The following SMC4 variants were observed in gnomAD, a reference collection of about 807,000 sequenced individuals.
SMC4 encodes structural maintenance of chromosomes 4.
A neutral mutation model predicts 145.6 loss-of-function variants in SMC4; 87 were observed. The observed-to-expected ratio is 0.60, with a 90% CI of 0.50 to 0.71. SMC4 has a LOEUF of 0.71. Among genes scored for constraint, SMC4 ranks in the 30% least tolerant of loss-of-function variants. SMC4 has a pLI of 0.00. For missense variants in SMC4, 1,447 were observed against 1,537.1 expected (o/e 0.94, Z 0.98); for synonymous variants, 558 against 500.7 (o/e 1.11, Z -1.53).
chr3:160,409,422 GAACA>G (rs1715737610), intron 5 of SMC4, among the ~76,000 whole-genome samples: 1 of 151,634 alleles, frequency 6.6e-6, no homozygotes, highest in Non-Finnish European at 1.5e-5. Flanking sequence ...GGAGAGAGAG[GAACA>G]AACAACCAAA....
At chr3:160,433,335 C>CCAT (rs1718624445) in intron 23 of SMC4, 126 bp downstream of exon 23, 1 of 661,932 alleles carries the variant, frequency 1.5e-6, no homozygotes, top group Non-Finnish European at 2.6e-6. Flanking sequence ...ATCTCCATCT[C>CCAT]CTCTGGTATC....
rs80127132 is a variant in SMC4 at position 160,404,007 on chromosome 3, T to G, written c.511-321T>G. The G allele has an allele frequency of 7.4e-4, 178 of 241,760 alleles. 6 individuals carry two copies. In the East Asian group the frequency reaches 0.02, roughly 27 times the overall value. The allele number at this position is 241,760 out of a possible 1,614,324, so 15.0% of individuals were successfully genotyped here. A position where few individuals can be genotyped will look rare whatever the true frequency, so the allele number is the denominator to read the frequency against. On this transcript the variant is annotated intron_variant, in intron 4 of 23. Coordinates refer to ENST00000357388, the MANE Select transcript of SMC4 (RefSeq NM_001002800.3). Reference sequence around the variant, plus strand: ...CAACATGTTAATAATTTGTGTGGGTTTTGGATATGGTGGGAATCTTGTCTA... The same window carrying G: ...CAACATGTTAATAATTTGTGTGGGTGTTGGATATGGTGGGAATCTTGTCTA...
In SMC4 at chr3:160,416,420, G is replaced by GTTTT; in HGVS notation, c.1437+14_1437+17dup. ...GGGCTTCAGAAAGAAAAAGAAGTAA[G>GTTTT]TTTTTTTTTTTTATCAGTGTTTATT... is the stretch of plus-strand genomic sequence containing the variant. On this transcript the variant is annotated splice_donor_region_variant and intron_variant, in intron 10 of 23. Transcript: ENST00000357388. 5 of 1,106,528 alleles carry GTTTT rather than the reference G, an allele frequency of 4.5e-6. No individual in the cohort carries two copies. The highest frequency in any genetic ancestry group is 6.2e-5 in the Admixed American group (2 of 32,206). 68.5% of individuals were successfully genotyped at this position (1,106,528 alleles called of 1,614,324 possible).
intron 9 of SMC4, among the ~76,000 whole-genome samples, chr3:160,415,364 TAAAG>T (rs1265592476): frequency 4.6e-5 from 7 of 152,186 alleles, no homozygotes; most frequent in African/African-American, 7.2e-5. Flanking sequence ...CTCTGTGTCT[TAAAG>T]AGAGATAGGA....
Position 160,399,659 on chromosome 3 carries a change from T to C in SMC4, c.-96T>C, listed in dbSNP as rs1714231150. 1 of 152,550 alleles carries C rather than the reference T, an allele frequency of 6.6e-6. No individual in the cohort carries two copies. Among genetic ancestry groups the C allele is most frequent in the Admixed American group, 6.5e-5 (1 of 15,284 alleles). 9.4% of individuals were successfully genotyped at this position (152,550 alleles called of 1,614,324 possible). A position where few individuals can be genotyped will look rare whatever the true frequency, so the allele number is the denominator to read the frequency against. On this transcript the variant is annotated 5_prime_UTR_variant, in exon 1 of 24. Transcript: ENST00000357388. ...TTGTATTTTAGGCGCCATTTTCGAGTGAAGGACCCGGAGCCGAAACACCGG... is the reference window on the plus strand; with the variant it reads ...TTGTATTTTAGGCGCCATTTTCGAGCGAAGGACCCGGAGCCGAAACACCGG...
chr3:160,413,746 A>G (rs1229361661), intron 8 of SMC4, 133 bp downstream of exon 8: 16 of 344,898 alleles, frequency 4.6e-5, no homozygotes, highest in South Asian at 1.1e-4. Context: ...CCCCTTAGTG[A>G]AAAAAAAAAA....
At chr3:160,429,285 A>T (rs2108501150) in intron 18 of SMC4, among the ~76,000 whole-genome samples, 1 of 152,240 alleles carries the variant, frequency 6.6e-6, no homozygotes, top group South Asian at 2.1e-4. Flanking sequence ...AGAATAAGTA[A>T]AAGAGGTAAA....
At chr3:160,409,265 C>CAAA (rs10547167) in intron 5 of SMC4, among the ~76,000 whole-genome samples, 6 of 61,944 alleles carry the variant, frequency 9.7e-5, no homozygotes, top group Admixed American at 2.5e-4. Context: ...AACTCCGTCT[C>CAAA]AAAAAAAAAA....
chr3:160,403,934 C>T (rs565431453), intron 4 of SMC4: 14 of 164,416 alleles, frequency 8.5e-5, no homozygotes, highest in African/African-American at 3.4e-4. Flanking sequence ...ACCTTCCTTC[C>T]TTTTTCTTTG....
chr3:160,426,273 CAGT>C (rs1486805468), intron 17 of SMC4, 73 bp downstream of exon 17: 6 of 1,105,140 alleles, frequency 5.4e-6, no homozygotes, highest in East Asian at 2.4e-5. Flanking sequence ...ATTTAAGAAG[CAGT>C]AGAATAATAA....
chr3:160,419,271 T>C (rs914078801), intron 11 of SMC4, 87 bp from the exon 12 acceptor site: 3 of 833,992 alleles, frequency 3.6e-6, no homozygotes, highest in Non-Finnish European at 5.4e-6. Context: ...TCTTTATTGT[T>C]ATTAAAGCAT....
chr3:160,401,021 C>G, intron 2 of SMC4, 56 bp downstream of exon 2: 1 of 1,358,658 alleles, frequency 7.4e-7, no homozygotes, highest in Non-Finnish European at 9.4e-7. Flanking sequence ...GGCAGGCAAA[C>G]GCGCCCAGCC....
intron 17 of SMC4, among the ~76,000 whole-genome samples, chr3:160,427,611 A>G (rs893761203): frequency 5.3e-5 from 8 of 152,212 alleles, no homozygotes; most frequent in Admixed American, 5.2e-4. Context: ...TAGGAGCTCT[A>G]TATATCTCCT....
intron 5 of SMC4, 163 bp downstream of exon 5, chr3:160,404,667 G>A (rs1196704639): frequency 1.3e-6 from 1 of 774,590 alleles, no homozygotes; most frequent in Non-Finnish European, 2.4e-6. Flanking sequence ...TGCTGCTCTA[G>A]AAATTTAAGG....
chr3:160,408,056 T>A (rs1715543563), intron 5 of SMC4, among the ~76,000 whole-genome samples: 1 of 152,144 alleles, frequency 6.6e-6, no homozygotes, highest in South Asian at 2.1e-4. Flanking sequence ...AAAAAGATGA[T>A]CAAGATAAAA....
chr3:160,401,183 C>T (rs573690041), intron 2 of SMC4, among the ~76,000 whole-genome samples: 13 of 151,918 alleles, frequency 8.6e-5, no homozygotes, highest in African/African-American at 3.1e-4. Context: ...GGCGAGCAAA[C>T]GGGTTCAGTT....
rs763014255 is a variant in SMC4 at position 160,417,781 on chromosome 3, T to C, written c.1496T>C (p.Met499Thr). 1.1e-5 allele frequency: 17 copies of C among 1,613,406 alleles called. No homozygotes were observed. Among genetic ancestry groups the C allele is most frequent in the Non-Finnish European group, 1.4e-5 (17 of 1,179,828 alleles). Residue 499 changes from methionine to threonine, a missense_variant, in exon 11 of 24, where the codon ATG becomes ACG. Met to Thr is a moderately conservative substitution (Grantham distance 81). Coordinates refer to ENST00000357388, the MANE Select transcript of SMC4 (RefSeq NM_001002800.3). ...SKSVNEARSK[M>T]DVAQSELDIY... Reference sequence around the variant, plus strand: ...TCGGTAAATGAAGCACGTTCAAAGATGGATGTAGCCCAGTCAGAACTTGAT... The same window carrying C: ...TCGGTAAATGAAGCACGTTCAAAGACGGATGTAGCCCAGTCAGAACTTGAT...
intron 23 of SMC4, 177 bp from the exon 24 acceptor site, chr3:160,433,480 A>G (rs1718645793): frequency 1.8e-6 from 1 of 551,448 alleles, no homozygotes; most frequent in Non-Finnish European, 3.2e-6. Flanking sequence ...TTTCCACTAG[A>G]AGTCAAAATA....
Position 160,407,764 on chromosome 3 carries a change from G to A in SMC4, c.687+3260G>A, listed in dbSNP as rs575797544. The stretch of plus-strand genomic sequence containing the variant: ...TCAAAAGAAATTTTTAGTTTTTTCA[G>A]TAATGCCTCAGTTTTCCAAAGGTGT... On this transcript the variant is annotated intron_variant, in intron 5 of 23. Coordinates refer to ENST00000357388, the MANE Select transcript of SMC4 (RefSeq NM_001002800.3). 1.2e-4 allele frequency among the ~76,000 whole-genome samples: 18 copies of A among 152,170 alleles called. No individual in the cohort carries two copies. In the South Asian group the frequency reaches 3.5e-3, roughly 30 times the overall value.
Sources: gnomAD v4.1 joint callset for allele counts (sites outside exome capture counted in the v4.1 genomes callset) on GRCh38, gnomAD v4.1.1 for gene constraint, MANE v1.5 for transcripts, NCBI Gene and HGNC (gene_info 2026-07-23, HGNC 2026-07-21) for gene names.